The following NRG1 variants were observed in gnomAD, a reference collection of about 807,000 sequenced individuals.
The protein encoded by NRG1 is pro-neuregulin-1, membrane-bound isoform.
In NRG1, 18 loss-of-function variants were observed where a neutral mutation model predicts 63.8. The observed-to-expected ratio is 0.28, with a 90% CI of 0.19 to 0.42. NRG1 has a LOEUF of 0.42. Ranked by LOEUF, NRG1 falls within the 10% of genes least tolerant of loss-of-function variation. The probability of loss-of-function intolerance (pLI) is 1.00; values close to 1 mark genes in which losing one functional copy is unlikely to be tolerated. For missense variants in NRG1, 762 were observed against 814.7 expected, an observed-to-expected ratio of 0.94 and a Z score of 0.79; for synonymous variants, 302 against 301.3, an observed-to-expected ratio of 1.00 and a Z score of -0.02.
At chr8:31,990,053 T>C (rs1434189494) in intron 1 of NRG1, among the ~76,000 whole-genome samples, 1 of 152,158 alleles carries the variant, frequency 6.6e-6, no homozygotes, top group Non-Finnish European at 1.5e-5. Flanking sequence ...TTCTGATTTG[T>C]GTAGCCCTGT....
intron 1 of NRG1, among the ~76,000 whole-genome samples, chr8:31,763,435 G>A (rs955150669): frequency 2.2e-4 from 34 of 152,064 alleles, no homozygotes; most frequent in Admixed American, 1.8e-3. Context: ...CTACAAGCTG[G>A]GTCCACACCA....
At chr8:31,974,222 A>G (rs1230745455) in intron 1 of NRG1, among the ~76,000 whole-genome samples, 1 of 152,112 alleles carries the variant, frequency 6.6e-6, no homozygotes, top group African/African-American at 2.4e-5. Context: ...CTGGTGTGCC[A>G]TGATCCTATC....
chr8:32,736,708 A>AT (rs200393053), intron 6 of NRG1, among the ~76,000 whole-genome samples: 5,438 of 151,604 alleles, frequency 0.036, 329 homozygotes, highest in African/African-American at 0.12. Context: ...TATCAGCTGT[A>AT]TTTTTTTTTC....
intron 1 of NRG1, among the ~76,000 whole-genome samples, chr8:31,845,577 AAT>A (rs1826611926): frequency 1.3e-5 from 2 of 152,202 alleles, no homozygotes; most frequent in African/African-American, 4.8e-5. Flanking sequence ...AGCAGAGGTG[AAT>A]AAGCATCATG....
At chr8:31,998,144 G>A (rs1812321451) in intron 1 of NRG1, among the ~76,000 whole-genome samples, 1 of 151,996 alleles carries the variant, frequency 6.6e-6, no homozygotes, top group African/African-American at 2.4e-5. Context: ...AAAAAGGATG[G>A]CTCCCCATTG....
Position 31,767,333 on chromosome 8 carries a change from T to A in NRG1, c.37+127902T>A, listed in dbSNP as rs555910593. 1.1e-4 allele frequency among the ~76,000 whole-genome samples: 16 copies of A among 152,364 alleles called. No homozygotes were observed. The East Asian group carries it at 2.7e-3, about 26-fold the overall frequency. On this transcript the variant is annotated intron_variant, in intron 1 of 10. Transcript: ENST00000519301. The stretch of plus-strand genomic sequence containing the variant: ...AAATGTGTGGCAGAACATTTAGTTA[T>A]CAGGTAGTCATTCTGAGTAAACTAG...
chr8:32,340,719 AC>A (rs1803966297), intron 1 of NRG1, among the ~76,000 whole-genome samples: 1 of 152,186 alleles, frequency 6.6e-6, no homozygotes, highest in Non-Finnish European at 1.5e-5. Flanking sequence ...TTTCAAGGTC[AC>A]TCACAGAATA....
intron 1 of NRG1, among the ~76,000 whole-genome samples, chr8:31,842,194 C>T (rs1335815719): frequency 1.3e-5 from 2 of 152,198 alleles, no homozygotes; most frequent in South Asian, 4.1e-4. Context: ...TTGCTCTTAG[C>T]AGTTTTGGTT....
intron 2 of NRG1, among the ~76,000 whole-genome samples, chr8:32,597,923 CA>C (rs566812065): frequency 6.6e-6 from 1 of 151,950 alleles, no homozygotes; most frequent in South Asian, 2.1e-4. Flanking sequence ...TTTAACAGGA[CA>C]AAAAAATACT....
intron 1 of NRG1, among the ~76,000 whole-genome samples, chr8:31,788,909 G>A (rs1488741530): frequency 6.6e-6 from 1 of 152,166 alleles, no homozygotes; most frequent in East Asian, 1.9e-4. Context: ...CAATAAATAT[G>A]TGGAGGAGAT....
At chr8:32,366,476 A>T (rs1808000993) in intron 1 of NRG1, among the ~76,000 whole-genome samples, 1 of 151,816 alleles carries the variant, frequency 6.6e-6, no homozygotes, top group African/African-American at 2.4e-5. Context: ...GGCTTATTTC[A>T]CTTAACATAA....
At chr8:32,192,529 C>A (rs1451335361) in intron 1 of NRG1, among the ~76,000 whole-genome samples, 16 of 151,814 alleles carry the variant, frequency 1.1e-4, no homozygotes, top group Admixed American at 1.1e-3. Flanking sequence ...TTTAAGTGGG[C>A]ACAAAACATT....
chr8:32,329,169 A>G (rs185247049), intron 1 of NRG1, among the ~76,000 whole-genome samples: 2 of 152,028 alleles, frequency 1.3e-5, no homozygotes, highest in South Asian at 2.1e-4. Context: ...GGTTTTCCCT[A>G]TGTTGCCCAG....
At chr8:32,081,483 A>G (rs1183303514) in intron 1 of NRG1, among the ~76,000 whole-genome samples, 1 of 152,176 alleles carries the variant, frequency 6.6e-6, no homozygotes, top group African/African-American at 2.4e-5. Context: ...ATTGAAGGGC[A>G]GCTGACTTGA....
chr8:32,544,078 CTATT>C (rs934056155), upstream of NRG1, among the ~76,000 whole-genome samples: 1 of 152,078 alleles, frequency 6.6e-6, no homozygotes, highest in African/African-American at 2.4e-5. Context: ...TTAATGTCTC[CTATT>C]TATAGTGATA....
chr8:31,931,845 G>A (rs1215821455), intron 1 of NRG1, among the ~76,000 whole-genome samples: 7 of 152,084 alleles, frequency 4.6e-5, no homozygotes, highest in African/African-American at 1.2e-4. Context: ...GAACAGCTGC[G>A]GTTCTTGCTG....
intron 1 of NRG1, among the ~76,000 whole-genome samples, chr8:32,509,219 G>A (rs971861750): frequency 4.6e-5 from 7 of 151,764 alleles, no homozygotes. Context: ...CAGCCTCCTA[G>A]GTAGCTGGGA....
rs567062505 is a variant in NRG1 at position 32,176,026 on chromosome 8, T to A, written c.38-419802T>A. Among the ~76,000 whole-genome samples, 1,382 of 152,240 alleles carry A rather than the reference T, an allele frequency of 9.1e-3. 23 individuals are homozygous for A. Among genetic ancestry groups the A allele is most frequent in the African/African-American group, 0.03 (1,228 of 41,540 alleles). ...CCAAAAAAGAGCCTGCATTGCCAAG[T>A]CAATCCTAAGCCAAAAGAACAAAGC... On this transcript the variant is annotated intron_variant, in intron 1 of 10. Coordinates refer to the NRG1 transcript ENST00000519301.
chr8:31,789,616 A>T (rs372896157), intron 1 of NRG1, among the ~76,000 whole-genome samples: 1 of 152,206 alleles, frequency 6.6e-6, no homozygotes, highest in African/African-American at 2.4e-5. Context: ...GTAAGTGAGG[A>T]AAGTTGTGCA....
Sources: allele counts gnomAD v4.1 joint callset (sites outside exome capture counted in the v4.1 genomes callset), GRCh38; gene constraint gnomAD v4.1.1; transcripts MANE v1.5; gene names NCBI Gene and HGNC (gene_info 2026-07-23, HGNC 2026-07-21).